Variants in LYPD6 observed in about 807,000 individuals in gnomAD.
LYPD6 encodes the protein ly6/PLAUR domain-containing protein 6.
LYPD6 carries 15 observed loss-of-function variants against 22.7 expected under a neutral mutation model. The ratio of observed to expected loss-of-function variants is 0.66; its 90% CI spans 0.44 to 1.02. LYPD6 has a LOEUF of 1.02. LYPD6 is among the 50% of genes least tolerant of loss of function. The probability of loss-of-function intolerance (pLI) is 0.00; values close to 1 mark genes in which losing one functional copy is unlikely to be tolerated. For synonymous variants in LYPD6, 72 were observed against 77.5 expected (o/e 0.93, Z 0.37); for missense variants, 189 against 208.4 (o/e 0.91, Z 0.57).
At chr2:149,439,658 G>A (rs1424256257) in intron 2 of LYPD6, among the ~76,000 whole-genome samples, 1 of 152,188 alleles carries the variant, frequency 6.6e-6, no homozygotes, top group Non-Finnish European at 1.5e-5. Context: ...AGTGTGGTGG[G>A]TCAGTGCCCT....
intron 1 of LYPD6, among the ~76,000 whole-genome samples, chr2:149,331,147 G>A (rs928896036): frequency 6.6e-6 from 1 of 152,096 alleles, no homozygotes; most frequent in Non-Finnish European, 1.5e-5. Flanking sequence ...GCTGCGGGGC[G>A]GGGGGCAGTG....
At chr2:149,345,184 G>A (rs1364050888) in intron 1 of LYPD6, among the ~76,000 whole-genome samples, 1 of 152,066 alleles carries the variant, frequency 6.6e-6, no homozygotes, top group Non-Finnish European at 1.5e-5. Flanking sequence ...GTTGCATGTC[G>A]TGAATTCTCT....
At chr2:149,484,814 G>A in the LYPD6 span, among the ~76,000 whole-genome samples, 181 of 152,098 alleles carry the variant, frequency 1.2e-3, 1 homozygote, top group African/African-American at 4.2e-3. Context: ...AAAAAAAAAG[G>A]GATCAACAAC....
intron 4 of LYPD6, among the ~76,000 whole-genome samples, chr2:149,469,503 C>T (rs560217354): frequency 1.6e-4 from 24 of 152,302 alleles, no homozygotes; most frequent in African/African-American, 5.8e-4. Context: ...AACACTTCTG[C>T]AGGTGGCCTT....
Position 149,407,552 on chromosome 2 carries a change from C to T in LYPD6, c.-71-30086C>T, listed in dbSNP as rs1337063901. On this transcript the variant is annotated intron_variant, in intron 1 of 4. Transcript: ENST00000334166. ...GCTCCTGAAGCTTCTGCATTCTTTG[C>T]GTAGTTCTGGAGCCTTGGCTTTCGG... Among the ~76,000 whole-genome samples the T allele has an allele frequency of 4.6e-5, 7 of 152,322 alleles. No homozygotes were observed. The East Asian group carries it at 5.8e-4, about 13-fold the overall frequency.
chr2:149,393,277 A>G (rs1682355107), intron 1 of LYPD6, among the ~76,000 whole-genome samples: 1 of 152,166 alleles, frequency 6.6e-6, no homozygotes, highest in Non-Finnish European at 1.5e-5. Context: ...AAGTATTTTG[A>G]GGGCTGATTT....
chr2:149,396,233 C>CTT, intron 1 of LYPD6, among the ~76,000 whole-genome samples: 1 of 151,078 alleles, frequency 6.6e-6, no homozygotes, highest in South Asian at 2.1e-4. Flanking sequence ...TTGCCCTCTG[C>CTT]TTTTTTTTTC....
At chr2:149,452,911 T>A (rs973432689) in intron 3 of LYPD6, among the ~76,000 whole-genome samples, 3 of 152,174 alleles carry the variant, frequency 2.0e-5, no homozygotes, top group African/African-American at 7.2e-5. Flanking sequence ...AGGTTCCCTG[T>A]CTCTCTTCTT....
At chr2:149,464,735 A>G (rs1257953752) in intron 3 of LYPD6, among the ~76,000 whole-genome samples, 1 of 152,160 alleles carries the variant, frequency 6.6e-6, no homozygotes, top group Admixed American at 6.5e-5. Flanking sequence ...ACAAGAAACA[A>G]TGAGGTCCGG....
intron 1 of LYPD6, among the ~76,000 whole-genome samples, chr2:149,359,787 G>A (rs1054969204): frequency 2.6e-5 from 4 of 151,724 alleles, no homozygotes; most frequent in Non-Finnish European, 4.4e-5. Context: ...TCTACTTTTT[G>A]TATCCCTCTA....
At chr2:149,396,811 A>C (rs1176002918) in intron 1 of LYPD6, among the ~76,000 whole-genome samples, 1 of 152,214 alleles carries the variant, frequency 6.6e-6, no homozygotes, top group Non-Finnish European at 1.5e-5. Context: ...TATGAAGATG[A>C]AATGAGTTAA....
intron 1 of LYPD6, among the ~76,000 whole-genome samples, chr2:149,388,278 G>A (rs1205857306): frequency 6.6e-6 from 1 of 151,202 alleles, no homozygotes; most frequent in Non-Finnish European, 1.5e-5. Flanking sequence ...CTGTTGGTGT[G>A]CCATGGATAT....
chr2:149,443,930 C>CTT (rs766245738), intron 2 of LYPD6, among the ~76,000 whole-genome samples: 2,311 of 114,030 alleles, frequency 0.02, 122 homozygotes, highest in African/African-American at 0.07. Context: ...ATGTGCATAT[C>CTT]TTTTTTTTTT....
chr2:149,335,564 A>AG (rs1380773697), intron 1 of LYPD6, among the ~76,000 whole-genome samples: 6 of 152,190 alleles, frequency 3.9e-5, no homozygotes, highest in Admixed American at 1.3e-4. Context: ...AAAAATGTTA[A>AG]AGTAAATTTA....
chr2:149,359,892 G>A lies in LYPD6; in HGVS notation c.-72+29170G>A, dbSNP rs190283795. ...GGTAAGTTCATATTGTAAAGTGAAA[G>A]TAAGTTTATTAAGGAAGAAAATAAA... On this transcript the variant is annotated intron_variant, in intron 1 of 4. Coordinates refer to ENST00000334166, the MANE Select transcript of LYPD6 (RefSeq NM_194317.5). Among the ~76,000 whole-genome samples, 276 of 152,272 alleles carry A rather than the reference G, an allele frequency of 1.8e-3. 6 individuals are homozygous for A. The highest frequency in any genetic ancestry group is 0.017 in the Admixed American group (262 of 15,292).
chr2:149,425,219 A>G (rs1306523003), intron 1 of LYPD6, among the ~76,000 whole-genome samples: 2 of 152,222 alleles, frequency 1.3e-5, no homozygotes, highest in Non-Finnish European at 2.9e-5. Context: ...TAAGGATGGC[A>G]CATCAACATC....
chr2:149,345,069 A>G (rs1023131375), intron 1 of LYPD6, among the ~76,000 whole-genome samples: 1 of 152,078 alleles, frequency 6.6e-6, no homozygotes, highest in African/African-American at 2.4e-5. Context: ...TAAAAAAAAT[A>G]AAAAGAGAGT....
intron 1 of LYPD6, among the ~76,000 whole-genome samples, chr2:149,341,156 A>T (rs1409816207): frequency 6.6e-6 from 1 of 152,094 alleles, no homozygotes; most frequent in Non-Finnish European, 1.5e-5. Flanking sequence ...AGTTCTTTTA[A>T]TTCAGATTCC....
intron 1 of LYPD6, among the ~76,000 whole-genome samples, chr2:149,355,094 G>A (rs1681427312): frequency 6.6e-6 from 1 of 152,110 alleles, no homozygotes; most frequent in Admixed American, 6.5e-5. Context: ...ACTGTTCCTG[G>A]TAAATGGCTT....
Sources: gnomAD v4.1 joint callset for allele counts (sites outside exome capture counted in the v4.1 genomes callset) on GRCh38, gnomAD v4.1.1 for gene constraint, MANE v1.5 for transcripts, NCBI Gene and HGNC (gene_info 2026-07-23, HGNC 2026-07-21) for gene names.